CYTH1: variants seen among roughly 807,000 people sequenced by gnomAD.
The protein encoded by CYTH1 is cytohesin 1.
Under a neutral mutation model 61.8 loss-of-function variants are expected in CYTH1, and 18 were observed. The observed-to-expected ratio is 0.29, with a 90% CI of 0.20 to 0.43. The LOEUF (loss-of-function observed/expected upper bound fraction) is 0.43. Among genes scored for constraint, CYTH1 ranks in the 20% least tolerant of loss-of-function variants. CYTH1 has a pLI of 1.00. For missense variants in CYTH1, 336 were observed against 510.5 expected (o/e 0.66, Z 3.29); for synonymous variants, 174 against 184.3 (o/e 0.94, Z 0.45).
At chr17:78,767,449 G>T (rs1352470301) in intron 1 of CYTH1, among the ~76,000 whole-genome samples, 1 of 152,202 alleles carries the variant, frequency 6.6e-6, no homozygotes, top group African/African-American at 2.4e-5. Context: ...CTTCTGGAAA[G>T]CAGGGCCTAT....
In CYTH1 at chr17:78,760,443, GTATATATATATACATACATATATA is replaced by G; in HGVS notation, c.22+21735_22+21758del. Among the ~76,000 whole-genome samples the G allele has an allele frequency of 6.3e-5, 2 of 31,862 alleles. 1 individual carries two copies. The highest frequency in any genetic ancestry group is 1.8e-3 in the South Asian group (2 of 1,124). The allele number at this position is 31,862 out of a possible 152,430, so 20.9% of individuals were successfully genotyped here. A position where few individuals can be genotyped will look rare whatever the true frequency, so the allele number is the denominator to read the frequency against. ...TATATATACACATACATATATATAT[GTATATATATATACATACATATATA>G]TATGTATATATATGTATGTATATAT... On this transcript the variant is annotated intron_variant, in intron 1 of 13. Coordinates refer to ENST00000446868, the MANE Select transcript of CYTH1 (RefSeq NM_004762.6).
intron 1 of CYTH1, among the ~76,000 whole-genome samples, chr17:78,779,315 G>A (rs1053685469): frequency 6.8e-6 from 1 of 147,100 alleles, no homozygotes; most frequent in Non-Finnish European, 1.5e-5. Flanking sequence ...CAGGAGAATC[G>A]CTTGAAGCTG....
rs983593699 is a variant in CYTH1 at position 78,717,815 on chromosome 17, C to T, written c.23-8083G>A. Among the ~76,000 whole-genome samples the T allele has an allele frequency of 6.6e-6, 1 of 152,182 alleles. No homozygotes were observed. Among genetic ancestry groups the T allele is most frequent in the African/African-American group, 2.4e-5 (1 of 41,420 alleles). On this transcript the variant is annotated intron_variant, in intron 1 of 13. Transcript: ENST00000446868. This position sits in a 1 kb window ranked among gnomAD's most constrained non-coding sequence, Gnocchi z 4.4. Reference sequence around the variant, plus strand: ...ATCCCCGTGGGTACCGTCAAATGAACGTGTCCAAGGCATGCTTTAGGACCA... The same window carrying T: ...ATCCCCGTGGGTACCGTCAAATGAATGTGTCCAAGGCATGCTTTAGGACCA...
At chr17:78,774,862 A>G (rs147760444) in intron 1 of CYTH1, among the ~76,000 whole-genome samples, 1 of 152,212 alleles carries the variant, frequency 6.6e-6, no homozygotes, top group Admixed American at 6.5e-5. Flanking sequence ...GTAGACACTC[A>G]AGATTATGCC....
At chr17:78,702,353 CT>C in intron 4 of CYTH1, 113 bp from the exon 5 acceptor site, 1 of 1,026,644 alleles carries the variant, frequency 9.7e-7, no homozygotes, top group Non-Finnish European at 1.5e-6. Context: ...TTAATAAATA[CT>C]TGCTAAGTGA....
chr17:78,732,979 C>T (rs190182860), intron 1 of CYTH1, among the ~76,000 whole-genome samples: 39 of 144,454 alleles, frequency 2.7e-4, no homozygotes, highest in African/African-American at 7.2e-4. Context: ...CCCAGCTACT[C>T]GGGAGCCTGA....
chr17:78,740,870 AT>A (rs1283254352), intron 1 of CYTH1, among the ~76,000 whole-genome samples: 1 of 152,254 alleles, frequency 6.6e-6, no homozygotes, highest in Non-Finnish European at 1.5e-5. Context: ...AGAGTGTTAG[AT>A]TACTACGTAT....
intron 1 of CYTH1, among the ~76,000 whole-genome samples, chr17:78,738,286 C>G (rs1022222228): frequency 6.6e-6 from 1 of 152,230 alleles, no homozygotes; most frequent in African/African-American, 2.4e-5. Flanking sequence ...CCCCAGATCA[C>G]AGATGAGGAT....
intron 1 of CYTH1, among the ~76,000 whole-genome samples, chr17:78,745,737 C>T (rs1264049730): frequency 6.6e-6 from 1 of 152,072 alleles, no homozygotes; most frequent in African/African-American, 2.4e-5. Context: ...ACTGAAAATA[C>T]AAAAATTAGC....
chr17:78,747,874 G>A (rs1051406681), intron 1 of CYTH1, among the ~76,000 whole-genome samples: 2 of 152,042 alleles, frequency 1.3e-5, no homozygotes, highest in African/African-American at 4.8e-5. Context: ...GTGTTGTATA[G>A]GATCTTTAAA....
chr17:78,697,821 G>A (rs1258805549), intron 9 of CYTH1, among the ~76,000 whole-genome samples: 1 of 152,174 alleles, frequency 6.6e-6, no homozygotes, highest in Non-Finnish European at 1.5e-5. Context: ...CCCTCCCAGT[G>A]GTTATGGGGA....
At chr17:78,684,788 CAG>C (rs1391765122) in intron 11 of CYTH1, among the ~76,000 whole-genome samples, 6 of 152,062 alleles carry the variant, frequency 3.9e-5, no homozygotes, top group African/African-American at 7.2e-5. Context: ...TAGAATTTAA[CAG>C]GGGGAAAAAA....
At chr17:78,781,203 G>C (rs1598937027) in intron 1 of CYTH1, among the ~76,000 whole-genome samples, 1 of 149,298 alleles carries the variant, frequency 6.7e-6, no homozygotes, top group South Asian at 2.1e-4. Context: ...TGTCCCATTA[G>C]TTATTAAACT....
intron 1 of CYTH1, among the ~76,000 whole-genome samples, chr17:78,759,225 T>C (rs1426316595): frequency 6.6e-6 from 1 of 152,200 alleles, no homozygotes. Flanking sequence ...TTTCAGACTA[T>C]ATGGCAACTG....
intron 9 of CYTH1, among the ~76,000 whole-genome samples, chr17:78,697,818 A>G (rs1284022653): frequency 6.6e-6 from 1 of 152,148 alleles, no homozygotes; most frequent in East Asian, 1.9e-4. Context: ...CCACCCTCCC[A>G]GTGGTTATGG....
chr17:78,707,957 C>T (rs1483236515), intron 3 of CYTH1, among the ~76,000 whole-genome samples: 1 of 152,044 alleles, frequency 6.6e-6, no homozygotes, highest in Admixed American at 6.6e-5. Context: ...GGGATTACAG[C>T]CGTGAGCCAC....
intron 1 of CYTH1, among the ~76,000 whole-genome samples, chr17:78,739,401 A>T (rs2144631056): frequency 6.6e-6 from 1 of 152,368 alleles, no homozygotes. Flanking sequence ...TAAGTAAAAT[A>T]TGCAGTATGT....
chr17:78,698,111 G>A (rs1470614499), intron 9 of CYTH1, among the ~76,000 whole-genome samples, 158 bp downstream of exon 9: 1 of 152,138 alleles, frequency 6.6e-6, no homozygotes, highest in Admixed American at 6.5e-5. Context: ...GTCCATGAAT[G>A]TGTGTGAACA....
chr17:78,760,536 CATATATATGTAT>C (rs1207602482), intron 1 of CYTH1, among the ~76,000 whole-genome samples: 4 of 42,196 alleles, frequency 9.5e-5, no homozygotes, highest in South Asian at 7.3e-4. Flanking sequence ...TATATACATA[CATATATATGTAT>C]ATATATATGT....
Sources: allele counts gnomAD v4.1 joint callset (sites outside exome capture counted in the v4.1 genomes callset), GRCh38; gene constraint gnomAD v4.1.1; non-coding constraint Gnocchi (gnomAD v3.1); transcripts MANE v1.5; gene names NCBI Gene and HGNC (gene_info 2026-07-23, HGNC 2026-07-21).